RBM47: variants seen among roughly 807,000 people sequenced by gnomAD.
The protein encoded by RBM47 is RNA-binding protein 47.
A neutral mutation model predicts 47.1 loss-of-function variants in RBM47; 21 were observed. The ratio of observed to expected loss-of-function variants is 0.45; its 90% confidence interval spans 0.32 to 0.64. The LOEUF is 0.64. Ranked by LOEUF, RBM47 falls within the 30% of genes least tolerant of loss-of-function variation. The pLI, the probability that RBM47 is intolerant of heterozygous loss-of-function variation, is 0.05. For missense variants in RBM47, 708 were observed against 870.9 expected (o/e 0.81, Z 2.35); for synonymous variants, 375 against 361.7 (o/e 1.04, Z -0.42).
chr4:40,597,124 G>C (rs1436039370), intron 1 of RBM47, among the ~76,000 whole-genome samples: 2 of 152,122 alleles, frequency 1.3e-5, no homozygotes, highest in African/African-American at 4.8e-5. Context: ...GCTGGCCGTG[G>C]TGGCACGCGC....
At chr4:40,451,351 G>A (rs1182000334) in intron 3 of RBM47, among the ~76,000 whole-genome samples, 1 of 152,158 alleles carries the variant, frequency 6.6e-6, no homozygotes, top group Non-Finnish European at 1.5e-5. Flanking sequence ...ATAAAGGCTT[G>A]TTAAGAATGG....
intron 2 of RBM47, among the ~76,000 whole-genome samples, chr4:40,470,477 A>AT (rs1011793228): frequency 6.6e-6 from 1 of 151,940 alleles, no homozygotes; most frequent in African/African-American, 2.4e-5. Context: ...GCCTATCTTG[A>AT]TTTTTTTGCC....
intron 2 of RBM47, among the ~76,000 whole-genome samples, chr4:40,490,132 AT>A (rs1184855434): frequency 6.6e-6 from 1 of 152,200 alleles, no homozygotes; most frequent in Non-Finnish European, 1.5e-5. Flanking sequence ...AACTTCTTCA[AT>A]CTGATAAATA....
chr4:40,562,863 A>T (rs1730766471), intron 1 of RBM47, among the ~76,000 whole-genome samples: 1 of 152,168 alleles, frequency 6.6e-6, no homozygotes, highest in Admixed American at 6.5e-5. Flanking sequence ...CATTTTTTAG[A>T]AGCGACAGCA....
At chr4:40,459,738 T>C (rs898454644) in intron 3 of RBM47, among the ~76,000 whole-genome samples, 7 of 152,220 alleles carry the variant, frequency 4.6e-5, no homozygotes, top group Admixed American at 4.6e-4. Flanking sequence ...GGCATTTCTT[T>C]CTTTCTTCTT....
At position 40,438,153 on chromosome 4, in the gene RBM47, G is replaced by T; in HGVS notation, c.741C>A (p.Ile247=). 1 of 1,612,216 alleles carries T rather than the reference G, an allele frequency of 6.2e-7. No homozygotes were observed. Among genetic ancestry groups the T allele is most frequent in the East Asian group, 2.2e-5 (1 of 44,872 alleles). ...CGATCATGAGGTTGCGCACGTAGAG[G>T]ATCTTCACGGTCTCCATCACGTCCT... ...VDEDVMETVK[I]LYVRNLMIET... The change falls in exon 4 of 7, where the codon ATC becomes ATA. Residue 247 remains isoleucine, a synonymous_variant. Transcript: ENST00000295971.
chr4:40,446,725 C>G (rs562314939), intron 3 of RBM47, among the ~76,000 whole-genome samples: 1 of 103,030 alleles, frequency 9.7e-6, no homozygotes, highest in East Asian at 3.3e-4. Flanking sequence ...GGTGACAGAG[C>G]AAGACCCAGT....
chr4:40,541,359 G>C (rs1391622240), intron 2 of RBM47, among the ~76,000 whole-genome samples: 1 of 151,986 alleles, frequency 6.6e-6, no homozygotes, highest in Admixed American at 6.6e-5. Flanking sequence ...TTCCTTTTGT[G>C]TATACATGAA....
chr4:40,484,781 A>AT (rs928890666), intron 2 of RBM47, among the ~76,000 whole-genome samples: 2 of 152,064 alleles, frequency 1.3e-5, no homozygotes. Flanking sequence ...CTCCAAAAGG[A>AT]TTTTTTTTAT....
At chr4:40,572,957 G>A (rs1248065088) in intron 1 of RBM47, among the ~76,000 whole-genome samples, 1 of 151,440 alleles carries the variant, frequency 6.6e-6, no homozygotes, top group Non-Finnish European at 1.5e-5. Context: ...TTCAAGACTA[G>A]CCTGGCCAAA....
intron 3 of RBM47, among the ~76,000 whole-genome samples, chr4:40,459,422 C>T (rs1370695497): frequency 2.0e-5 from 3 of 151,972 alleles, no homozygotes; most frequent in Non-Finnish European, 2.9e-5. Flanking sequence ...GTGGGAGAGC[C>T]GTGCATGGGG....
chr4:40,436,547 A>G lies in RBM47; in HGVS notation c.1224T>C (p.Tyr408=). Residue 408 remains tyrosine (Y), a synonymous_variant, in exon 5 of 7, where the codon TAT becomes TAC. Transcript: ENST00000295971. ...TTCCTTTCCCTTCATGATATCGGCT[A>G]TATATACCACGACCAGCAGAATATC... ...LGGYSAGRGI[Y]SRYHEGKGKQ... 6.2e-7 allele frequency: 1 copy of G among 1,614,166 alleles called. No homozygotes were observed. The highest frequency in any genetic ancestry group is 8.5e-7 in the Non-Finnish European group (1 of 1,180,012).
At chr4:40,476,403 T>C (rs1175136634) in intron 2 of RBM47, among the ~76,000 whole-genome samples, 4 of 151,744 alleles carry the variant, frequency 2.6e-5, no homozygotes, top group South Asian at 2.1e-4. Flanking sequence ...AGAAAAAAAA[T>C]AGGAAAAAAT....
chr4:40,492,606 C>T (rs1230989251), intron 2 of RBM47, among the ~76,000 whole-genome samples: 24 of 152,210 alleles, frequency 1.6e-4, no homozygotes, highest in Admixed American at 1.6e-3. Context: ...AACCTTATCA[C>T]TAAAAACCTC....
intron 1 of RBM47, among the ~76,000 whole-genome samples, chr4:40,548,362 C>T (rs1379334201): frequency 6.6e-6 from 1 of 152,166 alleles, no homozygotes; most frequent in African/African-American, 2.4e-5. Flanking sequence ...CAGGACGTGC[C>T]GCTGCCAAGG....
chr4:40,475,710 G>A (rs1160173544), intron 2 of RBM47: 4 of 152,170 alleles, frequency 2.6e-5, no homozygotes, highest in African/African-American at 9.7e-5. Context: ...ATCTTGATCT[G>A]GGTGCGACAG....
At chr4:40,625,118 G>A (rs540783379) in intron 1 of RBM47, among the ~76,000 whole-genome samples, 1 of 152,058 alleles carries the variant, frequency 6.6e-6, no homozygotes, top group South Asian at 2.1e-4. Flanking sequence ...AAAGTGCTGG[G>A]ATTACAGACA....
chr4:40,425,894 G>A lies in RBM47; in HGVS notation c.*10C>T, dbSNP rs1305141306. 2 of 1,613,632 alleles carry A rather than the reference G, an allele frequency of 1.2e-6. No individual in the cohort carries two copies. Among genetic ancestry groups the A allele is most frequent in the Non-Finnish European group, 1.7e-6 (2 of 1,179,750 alleles). On this transcript the variant is annotated 3_prime_UTR_variant, in exon 7 of 7. Transcript: ENST00000295971. ...GTTTGTGTGGTCTGTCTTCGTGCTG[G>A]TCACCAGCCTCAGTATGTCTGGTAG...
intron 1 of RBM47, among the ~76,000 whole-genome samples, chr4:40,585,732 T>C (rs1429981504): frequency 2.0e-5 from 3 of 152,200 alleles, no homozygotes; most frequent in Non-Finnish European, 4.4e-5. Flanking sequence ...ACCATGCCCC[T>C]GCTATCAGTA....
Sources: gnomAD v4.1 joint callset for allele counts (sites outside exome capture counted in the v4.1 genomes callset) on GRCh38, gnomAD v4.1.1 for gene constraint, MANE v1.5 for transcripts, NCBI Gene and HGNC (gene_info 2026-07-23, HGNC 2026-07-21) for gene names.